Variants in CAMSAP1 observed in about 807,000 individuals in gnomAD.
CAMSAP1 encodes calmodulin regulated spectrin associated protein 1.
In CAMSAP1, 58 loss-of-function variants were observed where a neutral mutation model predicts 143.5. That is an observed-to-expected ratio of 0.40 (90% confidence interval 0.33 to 0.50). CAMSAP1 has a LOEUF of 0.50. Ranked by LOEUF, CAMSAP1 falls within the 20% of genes least tolerant of loss-of-function variation. CAMSAP1 has a pLI of 0.45. For missense variants in CAMSAP1, 1,969 were observed against 2,115.7 expected, an observed-to-expected ratio of 0.93 and a Z score of 1.36; for synonymous variants, 945 against 859.3, an observed-to-expected ratio of 1.10 and a Z score of -1.74.
At chr9:135,816,128 G>T in intron 14 of CAMSAP1, 123 bp from the exon 15 acceptor site, 1 of 796,824 alleles carries the variant, frequency 1.3e-6, no homozygotes, top group Non-Finnish European at 2.0e-6. Flanking sequence ...GGCTTTCGGT[G>T]ACGGTGGGGG....
chr9:135,893,556 A>G (rs545049290), intron 1 of CAMSAP1, among the ~76,000 whole-genome samples: 1 of 152,334 alleles, frequency 6.6e-6, no homozygotes, highest in East Asian at 1.9e-4. Flanking sequence ...GTGAAGAACA[A>G]TGAGACAGAA....
At chr9:135,837,412 C>T (rs551321689) in intron 7 of CAMSAP1, among the ~76,000 whole-genome samples, 42 of 149,402 alleles carry the variant, frequency 2.8e-4, no homozygotes, top group Middle Eastern at 7.8e-3. Context: ...TACAGACACA[C>T]GTCATCACGC....
At chr9:135,906,973 C>T in intron 1 of CAMSAP1, 27 bp downstream of exon 1, 10 of 1,043,466 alleles carry the variant, frequency 9.6e-6, no homozygotes, top group Non-Finnish European at 1.2e-5. Flanking sequence ...CCCCTGGCCC[C>T]CGCCCCGCGC....
At chr9:135,902,127 C>G (rs934555168) in intron 1 of CAMSAP1, among the ~76,000 whole-genome samples, 24 of 152,218 alleles carry the variant, frequency 1.6e-4, no homozygotes, top group Admixed American at 7.9e-4. Context: ...GTCATGCTAG[C>G]TGGACCAACT....
rs1834950751 is a variant in CAMSAP1, at chr9:135,809,151, T to A, written c.*2158A>T. 6.6e-6 allele frequency: 1 copy of A among 152,160 alleles called. No individual in the cohort carries two copies. The highest frequency in any genetic ancestry group is 2.1e-4 in the South Asian group (1 of 4,820). 9.4% of individuals were successfully genotyped at this position (152,160 alleles called of 1,614,324 possible). ...CCAAAAGCACCACCACGAAAATTAA[T>A]CCTGTGTCTGAAACTTTTCAAGACT... is the stretch of plus-strand genomic sequence containing the variant. On this transcript the variant is annotated 3_prime_UTR_variant, in exon 17 of 17. Coordinates refer to ENST00000389532, the MANE Select transcript of CAMSAP1 (RefSeq NM_015447.4).
intron 5 of CAMSAP1, among the ~76,000 whole-genome samples, chr9:135,855,931 G>A (rs927612541): frequency 2.6e-5 from 4 of 151,570 alleles, no homozygotes; most frequent in South Asian, 2.1e-4. Context: ...GGGCGCCTGT[G>A]GTCCCAGCTA....
chr9:135,820,901 C>T lies in CAMSAP1; in HGVS notation c.3760G>A (p.Asp1254Asn), dbSNP rs766268281. Residue 1254 changes from aspartate to asparagine, a missense_variant, in exon 11 of 17, where the codon GAT becomes AAT. Asp to Asn is a conservative substitution (Grantham distance 23). This residue lies in a region of CAMSAP1 where 1,390 missense variants were observed against 1,420.8 expected (regional missense o/e 0.98). Coordinates refer to ENST00000389532, the MANE Select transcript of CAMSAP1 (RefSeq NM_015447.4). The surrounding 1 kb of genome is among the most constrained non-coding windows in gnomAD (Gnocchi z 4.4). ...PDEDGELVSL[D>N]GSADLVSEGD... ...TCGCTGACAAGGTCCGCCGAGCCAT[C>T]GAGGCTTACCAGCTCCCCATCCTCG... 27 of 1,613,704 alleles carry T rather than the reference C, an allele frequency of 1.7e-5. No homozygotes were observed. In the East Asian group the frequency reaches 4.0e-4, roughly 24 times the overall value.
Position 135,824,953 on chromosome 9 carries a change from G to C in CAMSAP1, c.1224-73C>G. 8.6e-7 allele frequency: 1 copy of C among 1,160,910 alleles called. No homozygotes were observed. The highest frequency in any genetic ancestry group is 1.4e-5 in the South Asian group (1 of 70,152). 71.9% of individuals were successfully genotyped at this position (1,160,910 alleles called of 1,614,324 possible). A position where few individuals can be genotyped will look rare whatever the true frequency, so the allele number is the denominator to read the frequency against. ...CAAGGTCAACAGCAAATGCACAAGT[G>C]TACAGGACCATCCTGAATTCACACC... On this transcript the variant is annotated intron_variant, in intron 8 of 16. Coordinates refer to ENST00000389532, the MANE Select transcript of CAMSAP1 (RefSeq NM_015447.4). The surrounding 1 kb of genome is among the most constrained non-coding windows in gnomAD (Gnocchi z 4.1).
intron 1 of CAMSAP1, among the ~76,000 whole-genome samples, chr9:135,888,286 T>A (rs1003285486): frequency 2.0e-5 from 3 of 152,164 alleles, no homozygotes; most frequent in African/African-American, 7.2e-5. Flanking sequence ...GCAATGAGGA[T>A]GAAAAGGCAG....
chr9:135,822,255 C>G lies in CAMSAP1; in HGVS notation c.2406G>C (p.Met802Ile). ...TCCCACTCGCCATGGAGACACTGCT[C>G]ATCTGAGAGGCTGTGCTCAGGCAGG... is the stretch of plus-strand genomic sequence containing the variant. ...SSPCLSTASQ[M>I]SSVSMASGSV... Residue 802 changes from methionine (M) to isoleucine (I), a missense_variant, in exon 11 of 17, where the codon ATG (methionine) becomes ATC (isoleucine). This residue lies in a region of CAMSAP1 where 1,390 missense variants were observed against 1,420.8 expected (regional missense o/e 0.98). Coordinates refer to ENST00000389532, the MANE Select transcript of CAMSAP1 (RefSeq NM_015447.4). This position sits in a 1 kb window ranked among gnomAD's most constrained non-coding sequence, Gnocchi z 6.1. 1 of 1,614,010 alleles carries G rather than the reference C, an allele frequency of 6.2e-7. No homozygotes were observed. Among genetic ancestry groups the G allele is most frequent in the South Asian group, 1.1e-5 (1 of 91,090 alleles).
chr9:135,837,796 C>CAT (rs145206052), intron 7 of CAMSAP1, among the ~76,000 whole-genome samples: 4,445 of 146,870 alleles, frequency 0.03, 220 homozygotes, highest in African/African-American at 0.11. Context: ...TCTACAGACA[C>CAT]GTCATCACGC....
Position 135,823,984 on chromosome 9 carries a change from C to T in CAMSAP1, c.1366G>A (p.Gly456Arg). The T allele has an allele frequency of 6.3e-7, 1 of 1,589,620 alleles. No individual in the cohort carries two copies. Reference protein sequence around the residue: ...SLTRVDGQPRGAAIAWPEKKT... With the variant: ...SLTRVDGQPRRAAIAWPEKKT... The stretch of plus-strand genomic sequence containing the variant: ...TTTTCTGGCCAGGCTATTGCTGCTC[C>T]TCGAGGCTGACCATCAACTCGGGTC... The change falls in exon 10 of 17, where the codon GGA becomes AGA. Residue 456 changes from glycine to arginine, a missense_variant. Transcript: ENST00000389532.
At chr9:135,816,483 C>G (rs117338071) in intron 14 of CAMSAP1, among the ~76,000 whole-genome samples, 2,078 of 152,346 alleles carry the variant, frequency 0.014, 28 homozygotes, top group South Asian at 0.039. Flanking sequence ...GAGCTCCACC[C>G]TGCAGGGAAG....
At chr9:135,812,969 AG>A (rs1835104366) in intron 16 of CAMSAP1, among the ~76,000 whole-genome samples, 1 of 149,710 alleles carries the variant, frequency 6.7e-6, no homozygotes, top group Non-Finnish European at 1.5e-5. Context: ...AAAAAAAAAA[AG>A]AAGAATCTGA....
chr9:135,886,434 A>AG (rs1838125745), intron 1 of CAMSAP1, among the ~76,000 whole-genome samples: 1 of 152,096 alleles, frequency 6.6e-6, no homozygotes, highest in African/African-American at 2.4e-5. Flanking sequence ...AGCAGCCAGT[A>AG]GGGGGGTGGG....
At position 135,822,881 on chromosome 9, in the gene CAMSAP1, G is replaced by C. The variant is rs759990335; in HGVS notation, c.1780C>G (p.Pro594Ala). 3 of 1,613,890 alleles carry C rather than the reference G, an allele frequency of 1.9e-6. No homozygotes were observed. The highest frequency in any genetic ancestry group is 1.7e-5 in the Admixed American group (1 of 60,022). ...ESKPDSFFLE[P>A]LMPAVLKPAK... ...GGCTTAAGAACTGCTGGCATCAAAG[G>C]CTCCAAGAAAAAACTGTCAGGCTTA... Residue 594 changes from proline to alanine, a missense_variant, in exon 11 of 17, where the codon CCT (proline) becomes GCT (alanine). By Grantham distance (27) the Pro-to-Ala change is conservative. Coordinates refer to ENST00000389532, the MANE Select transcript of CAMSAP1 (RefSeq NM_015447.4). This position sits in a 1 kb window ranked among gnomAD's most constrained non-coding sequence, Gnocchi z 6.1.
chr9:135,814,651 CGTCCTCG>C (rs1306955978), intron 16 of CAMSAP1, among the ~76,000 whole-genome samples: 9 of 152,196 alleles, frequency 5.9e-5, no homozygotes, highest in Non-Finnish European at 1.2e-4. Context: ...CTCCGTCCTC[CGTCCTCG>C]GTCCTCCCCA....
chr9:135,827,413 T>G lies in CAMSAP1; in HGVS notation c.1217A>C (p.Glu406Ala). 1 of 1,560,250 alleles carries G rather than the reference T, an allele frequency of 6.4e-7. No individual in the cohort carries two copies. The highest frequency in any genetic ancestry group is 8.7e-7 in the Non-Finnish European group (1 of 1,145,076). ...AGCAGAAAGACAGACTTACAGGTAT[T>G]CAGGTTCTTCCGGGTGCAGGTAGTG... ...HRHYLHPEEPEYLGKGTAAFS... is the reference protein window; with the variant it reads ...HRHYLHPEEPAYLGKGTAAFS... Residue 406 changes from glutamate to alanine, a missense_variant, in exon 8 of 17, where the codon GAA becomes GCA. By Grantham distance (107) the Glu-to-Ala change is moderately radical. Transcript: ENST00000389532.
intron 7 of CAMSAP1, among the ~76,000 whole-genome samples, chr9:135,848,057 T>C (rs1237803080): frequency 2.7e-5 from 4 of 149,298 alleles, no homozygotes; most frequent in Non-Finnish European, 5.9e-5. Flanking sequence ...CTACCTTAAA[T>C]GCAAGAAGAA....
Sources: allele counts gnomAD v4.1 joint callset (sites outside exome capture counted in the v4.1 genomes callset), GRCh38; gene constraint gnomAD v4.1.1; regional missense constraint gnomAD v4.1.1; non-coding constraint Gnocchi (gnomAD v3.1); transcripts MANE v1.5; gene names NCBI Gene and HGNC (gene_info 2026-07-23, HGNC 2026-07-21).